Variants in BLTP3B observed in about 807,000 individuals in gnomAD.
BLTP3B encodes the protein bridge-like lipid transfer protein family member 3B, also known as UHRF1 (ICBP90) binding protein 1-like.
the BLTP3B span, among the ~76,000 whole-genome samples, chr12:100,127,026 T>C: frequency 6.8e-6 from 1 of 147,798 alleles, no homozygotes; most frequent in Admixed American, 6.8e-5. Context: ...AATACAATCA[T>C]AACACTTCAC....
chr12:100,142,011 A>G, the BLTP3B span, among the ~76,000 whole-genome samples: 2 of 152,152 alleles, frequency 1.3e-5, no homozygotes, highest in Admixed American at 6.5e-5. Context: ...CTGCTTATTT[A>G]CCTAAAACAA....
the BLTP3B span, among the ~76,000 whole-genome samples, chr12:100,138,970 C>T: frequency 6.6e-6 from 1 of 152,122 alleles, no homozygotes; most frequent in East Asian, 1.9e-4. Context: ...TTTCCATTCC[C>T]ATGTGAAAAA....
the BLTP3B span, among the ~76,000 whole-genome samples, chr12:100,083,631 A>C: frequency 6.6e-6 from 1 of 152,004 alleles, no homozygotes; most frequent in South Asian, 2.1e-4. Context: ...CTCTGCTTTT[A>C]GTGTTATACG....
chr12:100,106,902 T>A, the BLTP3B span, among the ~76,000 whole-genome samples: 1 of 152,146 alleles, frequency 6.6e-6, no homozygotes, highest in African/African-American at 2.4e-5. Context: ...TAGGAAACAA[T>A]CAGCATGCAG....
the BLTP3B span, among the ~76,000 whole-genome samples, chr12:100,084,192 GA>G: frequency 6.9e-4 from 97 of 140,150 alleles, no homozygotes; most frequent in African/African-American, 7.3e-4. Flanking sequence ...CTGTCTCAAA[GA>G]AAAAAAAAAA....
chr12:100,070,722 G>A, the BLTP3B span, among the ~76,000 whole-genome samples: 4 of 152,194 alleles, frequency 2.6e-5, no homozygotes, highest in African/African-American at 9.6e-5. Context: ...GGGTGGGTGC[G>A]GTGGCTCATG....
chr12:100,059,025 G>T, the BLTP3B span: 1 of 1,614,112 alleles, frequency 6.2e-7, no homozygotes, highest in Middle Eastern at 1.6e-4. Flanking sequence ...ACTTTGTGAT[G>T]TATTTAGAGA....
At chr12:100,057,752 A>T in the BLTP3B span, 2 of 1,587,192 alleles carry the variant, frequency 1.3e-6, no homozygotes, top group South Asian at 2.4e-5. Context: ...TTCCACTGTT[A>T]ACAAAATTAT....
the BLTP3B span, among the ~76,000 whole-genome samples, chr12:100,052,788 C>CTGTTT: frequency 4.4e-5 from 5 of 114,900 alleles, no homozygotes; most frequent in Non-Finnish European, 3.5e-5. Flanking sequence ...TTTTTCTTTT[C>CTGTTT]TGTTTTTTTT....
chr12:100,098,590 T>C, the BLTP3B span: 38 of 1,537,966 alleles, frequency 2.5e-5, 2 homozygotes, highest in East Asian at 3.6e-4. Flanking sequence ...AACTAATTTT[T>C]AAAAATTCTA....
the BLTP3B span, among the ~76,000 whole-genome samples, chr12:100,070,451 T>A: frequency 6.6e-6 from 1 of 151,864 alleles, no homozygotes; most frequent in African/African-American, 2.4e-5. Context: ...TAGACGGGGT[T>A]TTACTACATT....
chr12:100,117,455 C>T, the BLTP3B span, among the ~76,000 whole-genome samples: 6 of 152,102 alleles, frequency 3.9e-5, no homozygotes, highest in Admixed American at 3.9e-4. Flanking sequence ...TTCAGAATTA[C>T]CTGCAGAACT....
the BLTP3B span, chr12:100,089,056 T>C: frequency 6.2e-7 from 1 of 1,609,398 alleles, no homozygotes; most frequent in East Asian, 2.2e-5. Flanking sequence ...GAAGTTTGCG[T>C]TGTCTTCACT....
At chr12:100,081,160 CTT>C in the BLTP3B span, among the ~76,000 whole-genome samples, 1 of 152,114 alleles carries the variant, frequency 6.6e-6, no homozygotes, top group African/African-American at 2.4e-5. Flanking sequence ...AAACCTCTTT[CTT>C]TTGTAAATTG....
the BLTP3B span, chr12:100,072,616 C>A: frequency 7.3e-7 from 1 of 1,365,116 alleles, no homozygotes; most frequent in Non-Finnish European, 9.7e-7. Flanking sequence ...AAAATATTAA[C>A]AAGAAAAAAA....
chr12:100,053,616 T>C, the BLTP3B span, among the ~76,000 whole-genome samples: 1 of 152,170 alleles, frequency 6.6e-6, no homozygotes, highest in East Asian at 1.9e-4. Context: ...CCTTTGTATG[T>C]ATCTGACACA....
the BLTP3B span, among the ~76,000 whole-genome samples, chr12:100,098,951 T>C: frequency 0.013 from 1,753 of 134,766 alleles, 18 homozygotes; most frequent in East Asian, 0.04. Flanking sequence ...GACACATAGA[T>C]ACATAGATAC....
chr12:100,042,685 C>G, the BLTP3B span, among the ~76,000 whole-genome samples: 1 of 152,212 alleles, frequency 6.6e-6, no homozygotes, highest in East Asian at 1.9e-4. Context: ...GCCATAGCCA[C>G]CCCAACCTTC....
chr12:100,062,977 T>TA, the BLTP3B span, among the ~76,000 whole-genome samples: 9,198 of 140,922 alleles, frequency 0.065, 383 homozygotes, highest in Non-Finnish European at 0.089. Context: ...GAAAAGAATT[T>TA]AAAAAAAAAA....
Sources: allele counts gnomAD v4.1 joint callset (sites outside exome capture counted in the v4.1 genomes callset), GRCh38; gene constraint gnomAD v4.1.1; transcripts MANE v1.5; gene names NCBI Gene and HGNC (gene_info 2026-07-23, HGNC 2026-07-21).